The following PAPPA2 variants were observed in gnomAD, a reference collection of about 807,000 sequenced individuals.
PAPPA2 encodes pappalysin-2.
A neutral mutation model predicts 176.4 loss-of-function variants in PAPPA2; 86 were observed. The ratio of observed to expected loss-of-function variants is 0.49; its 90% confidence interval spans 0.41 to 0.58. PAPPA2 has a LOEUF of 0.58. Among genes scored for constraint, PAPPA2 ranks in the 20% least tolerant of loss-of-function variants. PAPPA2 has a pLI of 0.00. For missense variants in PAPPA2, 2,073 were observed against 2,256.9 expected (o/e 0.92, Z 1.65); for synonymous variants, 809 against 852.2 (o/e 0.95, Z 0.88).
chr1:176,752,367 A>G (rs1482273059), intron 14 of PAPPA2, among the ~76,000 whole-genome samples: 4 of 135,356 alleles, frequency 3.0e-5, no homozygotes, highest in African/African-American at 8.4e-5. Flanking sequence ...AAAAAAAAAC[A>G]TTTACCATTA....
At chr1:176,482,367 C>T (rs1413919416) in intron 1 of PAPPA2, among the ~76,000 whole-genome samples, 2 of 152,178 alleles carry the variant, frequency 1.3e-5, no homozygotes, top group Admixed American at 6.5e-5. Flanking sequence ...GGAGACCTGT[C>T]TTATAGATTC....
intron 1 of PAPPA2, among the ~76,000 whole-genome samples, chr1:176,505,492 C>G (rs374902954): frequency 1.3e-5 from 2 of 152,118 alleles, no homozygotes; most frequent in South Asian, 2.1e-4. Context: ...ATAGATTGAC[C>G]AACTTTTGCC....
At chr1:176,561,682 A>G (rs1651681674) in intron 2 of PAPPA2, among the ~76,000 whole-genome samples, 1 of 152,218 alleles carries the variant, frequency 6.6e-6, no homozygotes, top group South Asian at 2.1e-4. Context: ...TGGAGGCCAT[A>G]AAACCTTTTG....
chr1:176,731,682 T>TAC lies in PAPPA2; in HGVS notation c.3799-7943_3799-7942insCA, dbSNP rs202142411. Among the ~76,000 whole-genome samples, 766 of 150,964 alleles carry TAC rather than the reference T, an allele frequency of 5.1e-3. 9 individuals carry two copies. Among genetic ancestry groups the TAC allele is most frequent in the African/African-American group, 0.018 (715 of 40,660 alleles). ...GTGTGTGTGTACATATATGTGTATA[T>TAC]ATACATATATGTGTACATATATGTG... On this transcript the variant is annotated intron_variant, in intron 12 of 22. Coordinates refer to ENST00000367662, the MANE Select transcript of PAPPA2 (RefSeq NM_020318.3).
chr1:176,703,011 G>T (rs1660732284), intron 9 of PAPPA2, among the ~76,000 whole-genome samples: 1 of 152,086 alleles, frequency 6.6e-6, no homozygotes, highest in South Asian at 2.1e-4. Flanking sequence ...AGAGTATTGA[G>T]GTATTGAGGC....
chr1:176,731,359 G>A (rs1350685038), intron 12 of PAPPA2, among the ~76,000 whole-genome samples: 1 of 152,032 alleles, frequency 6.6e-6, no homozygotes, highest in Non-Finnish European at 1.5e-5. Flanking sequence ...GAGTGCAGTG[G>A]TGTAATCTTG....
chr1:176,578,491 T>A (rs9804051), intron 2 of PAPPA2, among the ~76,000 whole-genome samples: 4,956 of 152,178 alleles, frequency 0.033, 144 homozygotes, highest in South Asian at 0.17. Context: ...AGGAGCAGAG[T>A]GGGAACAAGG....
chr1:176,704,236 G>C (rs188692276), intron 9 of PAPPA2, among the ~76,000 whole-genome samples: 1 of 152,128 alleles, frequency 6.6e-6, no homozygotes, highest in Non-Finnish European at 1.5e-5. Flanking sequence ...ACTGGGTCTC[G>C]CAAGGTTACT....
At chr1:176,829,831 G>C (rs555400207) in intron 21 of PAPPA2, among the ~76,000 whole-genome samples, 2 of 152,344 alleles carry the variant, frequency 1.3e-5, no homozygotes, top group African/African-American at 4.8e-5. Flanking sequence ...GGGGCACAGT[G>C]AGTGGCCACC....
At chr1:176,564,407 G>A (rs368810607) in intron 2 of PAPPA2, among the ~76,000 whole-genome samples, 15 of 152,334 alleles carry the variant, frequency 9.8e-5, no homozygotes, top group East Asian at 3.9e-4. Flanking sequence ...GCAAGCAGTC[G>A]TAGATGATAT....
intron 1 of PAPPA2, among the ~76,000 whole-genome samples, chr1:176,517,599 T>C (rs183900587): frequency 4.9e-4 from 75 of 152,212 alleles, no homozygotes; most frequent in African/African-American, 1.8e-3. Context: ...CTGTGGCTAA[T>C]ATGGGGACTG....
At chr1:176,657,146 G>A (rs1400554268) in intron 3 of PAPPA2, among the ~76,000 whole-genome samples, 2 of 151,898 alleles carry the variant, frequency 1.3e-5, no homozygotes, top group Non-Finnish European at 2.9e-5. Flanking sequence ...CACAAAAGTT[G>A]TGGACAAAAG....
rs865966299 is a variant in PAPPA2, at chr1:176,702,519, C to T, written c.3237-88C>T. On this transcript the variant is annotated intron_variant, in intron 8 of 22. Transcript: ENST00000367662. ...ACCTTTATGTTTCCCATAATATTTC[C>T]CTTCAACTTCTGTGAACCATCAACA... is the stretch of plus-strand genomic sequence containing the variant. 27 of 1,545,492 alleles carry T rather than the reference C, an allele frequency of 1.7e-5. No homozygotes were observed. In the African/African-American group the frequency reaches 3.0e-4, roughly 17 times the overall value.
At chr1:176,544,725 A>G (rs1317733019) in intron 1 of PAPPA2, among the ~76,000 whole-genome samples, 1 of 152,164 alleles carries the variant, frequency 6.6e-6, no homozygotes, top group Non-Finnish European at 1.5e-5. Flanking sequence ...CAACTTTCAG[A>G]CACCAATTGC....
At chr1:176,658,278 A>G (rs1172488740) in intron 3 of PAPPA2, among the ~76,000 whole-genome samples, 1 of 151,960 alleles carries the variant, frequency 6.6e-6, no homozygotes, top group Non-Finnish European at 1.5e-5. Flanking sequence ...TACAGGTTGG[A>G]CTAGAGTGGA....
intron 17 of PAPPA2, among the ~76,000 whole-genome samples, chr1:176,781,590 A>T (rs1222522576): frequency 6.6e-6 from 1 of 151,646 alleles, no homozygotes; most frequent in Non-Finnish European, 1.5e-5. Context: ...GGCTTGGGAA[A>T]CCAGGCCTGC....
intron 1 of PAPPA2, among the ~76,000 whole-genome samples, chr1:176,468,353 G>T (rs1651719926): frequency 6.6e-6 from 1 of 152,150 alleles, no homozygotes; most frequent in Non-Finnish European, 1.5e-5. Context: ...AAGCAAATCT[G>T]CTTATTAGGT....
chr1:176,519,153 AC>A (rs887422007), intron 1 of PAPPA2, among the ~76,000 whole-genome samples: 2 of 152,200 alleles, frequency 1.3e-5, no homozygotes, highest in African/African-American at 4.8e-5. Context: ...GCCAGACATG[AC>A]ATTAGAATCT....
chr1:176,761,839 C>G (rs1663713084), intron 14 of PAPPA2, among the ~76,000 whole-genome samples: 1 of 152,234 alleles, frequency 6.6e-6, no homozygotes, highest in Non-Finnish European at 1.5e-5. Context: ...TCCCACTTCT[C>G]TGGGGCATTG....
Sources: allele counts gnomAD v4.1 joint callset (sites outside exome capture counted in the v4.1 genomes callset), GRCh38; gene constraint gnomAD v4.1.1; transcripts MANE v1.5; gene names NCBI Gene and HGNC (gene_info 2026-07-23, HGNC 2026-07-21).